Variants in SDK1 observed in about 807,000 individuals in gnomAD.
SDK1 encodes the protein sidekick cell adhesion molecule 1, also known as protein sidekick-1.
A neutral mutation model predicts 245.5 loss-of-function variants in SDK1; 157 were observed. That is an observed-to-expected ratio of 0.64 (90% CI 0.56 to 0.73). The LOEUF (loss-of-function observed/expected upper bound fraction) is 0.73, where lower values mean the gene tolerates loss of function less well. SDK1 is among the 30% of genes least tolerant of loss of function. The pLI is 0.00. For missense variants in SDK1, 3,583 were observed against 3,002.3 expected (o/e 1.19, Z -4.52); for synonymous variants, 1,647 against 1,278.5 (o/e 1.29, Z -6.15).
chr7:4,004,114 A>G (rs1785279544), intron 14 of SDK1, among the ~76,000 whole-genome samples: 1 of 152,234 alleles, frequency 6.6e-6, no homozygotes, highest in Non-Finnish European at 1.5e-5. Context: ...GGACACATAC[A>G]GCCATCAGCA....
intron 35 of SDK1, among the ~76,000 whole-genome samples, chr7:4,181,729 G>A (rs1485473401): frequency 6.6e-6 from 1 of 152,160 alleles, no homozygotes; most frequent in Admixed American, 6.5e-5. Flanking sequence ...CCTACTTGCT[G>A]TGCCCATGCC....
chr7:3,788,101 G>T (rs561550592), intron 4 of SDK1, among the ~76,000 whole-genome samples: 1 of 152,234 alleles, frequency 6.6e-6, no homozygotes, highest in African/African-American at 2.4e-5. Flanking sequence ...TCCCGGCCCG[G>T]GACCTCACTC....
chr7:3,448,465 T>A (rs1275805183), intron 1 of SDK1, among the ~76,000 whole-genome samples: 1 of 143,950 alleles, frequency 6.9e-6, no homozygotes, highest in Non-Finnish European at 1.5e-5. Context: ...GTTTAGGGTA[T>A]TTTTTTTTGC....
At chr7:3,711,913 T>C (rs1157196041) in intron 4 of SDK1, among the ~76,000 whole-genome samples, 2 of 152,188 alleles carry the variant, frequency 1.3e-5, no homozygotes, top group Non-Finnish European at 2.9e-5. Flanking sequence ...GTGGCTGTTT[T>C]CCTGTGCGGG....
Position 3,875,163 on chromosome 7 carries a change from C to T in SDK1, c.847+53580C>T, listed in dbSNP as rs112872819. Among the ~76,000 whole-genome samples, 36 of 152,266 alleles carry T rather than the reference C, an allele frequency of 2.4e-4. 1 individual carries two copies. The highest frequency in any genetic ancestry group is 7.5e-4 in the African/African-American group (31 of 41,544). ...TAAGCAAATGGTTGGGTCTGTTTCT[C>T]CCTGGAAATGTCTATCTCTTTCTGG... On this transcript the variant is annotated intron_variant, in intron 5 of 44. Coordinates refer to ENST00000404826, the MANE Select transcript of SDK1 (RefSeq NM_152744.4).
intron 1 of SDK1, among the ~76,000 whole-genome samples, chr7:3,446,933 C>A (rs1156712621): frequency 6.6e-6 from 1 of 151,872 alleles, no homozygotes; most frequent in Admixed American, 6.6e-5. Context: ...GGTAGAACAA[C>A]AGTCAAGAAA....
chr7:3,432,510 G>C (rs1319642205), intron 1 of SDK1, among the ~76,000 whole-genome samples: 1 of 152,156 alleles, frequency 6.6e-6, no homozygotes, highest in Admixed American at 6.6e-5. Flanking sequence ...GGAAGAAATA[G>C]TAGTTTGTTA....
chr7:4,171,184 G>A (rs770250542), intron 32 of SDK1, among the ~76,000 whole-genome samples: 1 of 152,184 alleles, frequency 6.6e-6, no homozygotes, highest in Non-Finnish European at 1.5e-5. Flanking sequence ...CGGATGGGGT[G>A]GCCACGTGCC....
At chr7:4,028,610 C>T (rs1157017894) in intron 17 of SDK1, among the ~76,000 whole-genome samples, 1 of 152,186 alleles carries the variant, frequency 6.6e-6, no homozygotes, top group Non-Finnish European at 1.5e-5. Flanking sequence ...TGAAAACACA[C>T]GTTTGGAGGA....
chr7:3,308,971 A>G (rs982443343), intron 1 of SDK1, among the ~76,000 whole-genome samples: 2 of 152,150 alleles, frequency 1.3e-5, no homozygotes, highest in African/African-American at 4.8e-5. Context: ...AGTTGCCTTT[A>G]TTAAGAATAG....
chr7:3,990,793 CAG>C (rs969310078), intron 14 of SDK1, among the ~76,000 whole-genome samples: 2 of 152,224 alleles, frequency 1.3e-5, no homozygotes, highest in Non-Finnish European at 1.5e-5. Context: ...TCTTCCAAAA[CAG>C]AGGCATTCTA....
chr7:3,672,867 A>T (rs1245190138), intron 4 of SDK1, among the ~76,000 whole-genome samples: 1 of 143,782 alleles, frequency 7.0e-6, no homozygotes, highest in Non-Finnish European at 1.5e-5. Context: ...TGAGGGCCCC[A>T]TCCCCACCCT....
chr7:3,576,943 T>C (rs1780311617), intron 1 of SDK1, among the ~76,000 whole-genome samples: 1 of 151,992 alleles, frequency 6.6e-6, no homozygotes, highest in Non-Finnish European at 1.5e-5. Flanking sequence ...CCTGAAGAAA[T>C]AGTAGACTTT....
intron 40 of SDK1, chr7:4,232,786 C>T (rs1433607683): frequency 6.5e-6 from 1 of 153,216 alleles, no homozygotes; most frequent in African/African-American, 2.4e-5. Flanking sequence ...TACAACAAAT[C>T]TCACTGATCA....
At chr7:4,173,048 G>C (rs867645070) in intron 32 of SDK1, among the ~76,000 whole-genome samples, 2 of 152,350 alleles carry the variant, frequency 1.3e-5, no homozygotes, top group Non-Finnish European at 2.9e-5. Flanking sequence ...AGGGGCTCTC[G>C]TGCAGCAAAG....
intron 14 of SDK1, among the ~76,000 whole-genome samples, chr7:3,996,934 A>C (rs1037870695): frequency 1.3e-5 from 2 of 152,152 alleles, no homozygotes; most frequent in Non-Finnish European, 2.9e-5. Context: ...TGTAATATAG[A>C]TTGTTTTTTA....
intron 4 of SDK1, among the ~76,000 whole-genome samples, chr7:3,651,556 A>T (rs541399869): frequency 1.4e-4 from 22 of 152,340 alleles, no homozygotes; most frequent in African/African-American, 5.1e-4. Context: ...GAAGGCCAAG[A>T]GATCTAGAGG....
intron 5 of SDK1, among the ~76,000 whole-genome samples, chr7:3,831,756 TA>T (rs145307745): frequency 0.014 from 2,146 of 149,404 alleles, 56 homozygotes; most frequent in African/African-American, 0.05. Flanking sequence ...CGTATCTCAT[TA>T]AAAAAAAAAT....
intron 4 of SDK1, among the ~76,000 whole-genome samples, chr7:3,776,232 G>C (rs1364162345): frequency 1.3e-5 from 2 of 152,230 alleles, no homozygotes; most frequent in African/African-American, 4.8e-5. Flanking sequence ...AGAGAAACTT[G>C]TAAGCAGACA....
Sources: gnomAD v4.1 joint callset for allele counts (sites outside exome capture counted in the v4.1 genomes callset) on GRCh38, gnomAD v4.1.1 for gene constraint, MANE v1.5 for transcripts, NCBI Gene and HGNC (gene_info 2026-07-23, HGNC 2026-07-21) for gene names.